TMEM130: variants seen among roughly 807,000 people sequenced by gnomAD.
TMEM130 encodes transmembrane protein 130.
TMEM130 carries 37 observed loss-of-function variants against 42.9 expected under a neutral mutation model. The ratio of observed to expected loss-of-function variants is 0.86; its 90% confidence interval spans 0.66 to 1.13. The LOEUF is 1.13. Ranked by LOEUF, TMEM130 falls within the 50% of genes most tolerant of loss-of-function variation. TMEM130 has a pLI of 0.00. For synonymous variants in TMEM130, 259 were observed against 237.7 expected (o/e 1.09, Z -0.82); for missense variants, 545 against 562.6 (o/e 0.97, Z 0.32).
intron 2 of TMEM130, among the ~76,000 whole-genome samples, chr7:98,860,668 G>C (rs1287557866): frequency 6.6e-6 from 1 of 152,106 alleles, no homozygotes; most frequent in Non-Finnish European, 1.5e-5. Context: ...TGCATGGCTG[G>C]GTGCGGTGGC....
In TMEM130 at chr7:98,856,069, C is replaced by T. The variant is rs201576403; in HGVS notation, c.666G>A (p.Thr222=). Reference sequence around the variant, plus strand: ...CCCCGGTCTTCTGCTTCACAGCCCTCGTGGCATCCGGCTCCACCTCTTCCC... The same window carrying T: ...CCCCGGTCTTCTGCTTCACAGCCCTTGTGGCATCCGGCTCCACCTCTTCCC... ...AEWEEVEPDA[T]RAVKQKTGDF... The change falls in exon 4 of 8, where the codon ACG becomes ACA. Residue 222 remains threonine (T), a synonymous_variant. Coordinates refer to ENST00000339375, the MANE Select transcript of TMEM130 (RefSeq NM_152913.3). 3.1e-5 allele frequency: 50 copies of T among 1,613,822 alleles called. No individual in the cohort carries two copies. The highest frequency in any genetic ancestry group is 1.1e-4 in the East Asian group (5 of 44,872).
At chr7:98,856,820 G>C (rs1178644694) in intron 3 of TMEM130, among the ~76,000 whole-genome samples, 1 of 152,096 alleles carries the variant, frequency 6.6e-6, no homozygotes, top group Non-Finnish European at 1.5e-5. Flanking sequence ...GTTGGACAAA[G>C]CTGCCATCCA....
chr7:98,848,554 G>T (rs1450880348), intron 7 of TMEM130, 29 bp downstream of exon 7: 3 of 1,478,422 alleles, frequency 2.0e-6, no homozygotes, highest in Non-Finnish European at 2.8e-6. Context: ...AGGCCCAGTA[G>T]TCCAGCCCCC....
chr7:98,848,271 A>T (rs782458702), intron 7 of TMEM130, 63 bp from the exon 8 acceptor site: 1 of 1,600,872 alleles, frequency 6.2e-7, no homozygotes. Context: ...CCCACGGGTC[A>T]ATCACCCACC....
In TMEM130 at chr7:98,869,497, AC is replaced by A. The variant is rs1182024927; in HGVS notation, c.85+279del. On this transcript the variant is annotated intron_variant, in intron 1 of 7. Transcript: ENST00000339375. This position sits in a 1 kb window ranked among gnomAD's most constrained non-coding sequence, Gnocchi z 4.7. The stretch of plus-strand genomic sequence containing the variant: ...CCAGGCATCGACGGATGCGCCGGCC[AC>A]CCCCGCGCGGTTTCCAGGGCAGGGC... The A allele has an allele frequency of 1.2e-5, 9 of 754,454 alleles. No homozygotes were observed. The highest frequency in any genetic ancestry group is 9.7e-6 in the Non-Finnish European group (6 of 618,916). 46.7% of individuals were successfully genotyped at this position (754,454 alleles called of 1,614,324 possible).
intron 5 of TMEM130, 57 bp from the exon 6 acceptor site, chr7:98,851,680 G>C: frequency 6.7e-7 from 1 of 1,488,002 alleles, no homozygotes; most frequent in Non-Finnish European, 9.0e-7. Context: ...TGTCAGCACA[G>C]ACCAAGTCCA....
chr7:98,849,082 C>T (rs1047978614), intron 6 of TMEM130, among the ~76,000 whole-genome samples: 2 of 152,158 alleles, frequency 1.3e-5, no homozygotes, highest in South Asian at 2.1e-4. Context: ...TTTGCTCTCT[C>T]GGGTGACACA....
chr7:98,850,765 T>A (rs1445029431), intron 6 of TMEM130, among the ~76,000 whole-genome samples: 1 of 151,992 alleles, frequency 6.6e-6, no homozygotes, highest in Non-Finnish European at 1.5e-5. Context: ...ACACTGTGAG[T>A]TGAGTAGAGT....
Position 98,851,565 on chromosome 7 carries a change from C to A in TMEM130, c.862G>T (p.Glu288Ter). Residue 288 changes from glutamate to a stop codon, truncating the protein, a stop_gained, in exon 6 of 8, where the codon GAG (glutamate) becomes TAG (stop). Transcript: ENST00000339375. LOFTEE classifies it high-confidence loss of function. ...CTGGCCACGGACACAGGGTGGCACTCCCCTTCCTCCAGCGGGAGGCACTCA... is the reference window on the plus strand; with the variant it reads ...CTGGCCACGGACACAGGGTGGCACTACCCTTCCTCCAGCGGGAGGCACTCA... Reference protein sequence around the residue: ...KPECLPLEEGECHPVSVASTA... With the variant: ...KPECLPLEEG 6.2e-7 allele frequency: 1 copy of A among 1,613,934 alleles called. No homozygotes were observed. Among genetic ancestry groups the A allele is most frequent in the South Asian group, 1.1e-5 (1 of 91,056 alleles).
At chr7:98,848,739 C>G (rs1554397778) in intron 6 of TMEM130, 44 bp from the exon 7 acceptor site, 7 of 1,313,596 alleles carry the variant, frequency 5.3e-6, no homozygotes. Context: ...GTAGCTGGTA[C>G]TACAGTGCTG....
intron 1 of TMEM130, among the ~76,000 whole-genome samples, chr7:98,868,634 G>A (rs1265326791): frequency 2.6e-5 from 4 of 152,150 alleles, no homozygotes; most frequent in Non-Finnish European, 4.4e-5. Context: ...AAGTCTCCCC[G>A]ACGGGTGAGG....
Position 98,863,646 on chromosome 7 carries a change from TTCCTTCCCTCCTTCC to T in TMEM130, c.86-261_86-247del, listed in dbSNP as rs1230652270. Reference sequence around the variant, plus strand: ...CCTTCCCTCCCTCCCTCCCTCCTTCTTCCTTCCCTCCTTCCTCCTTCCCTCCTTCCTTCCTCCTTC... The same window carrying T: ...CCTTCCCTCCCTCCCTCCCTCCTTCTTCCTTCCCTCCTTCCTTCCTCCTTC... On this transcript the variant is annotated intron_variant, in intron 1 of 7. Coordinates refer to ENST00000339375, the MANE Select transcript of TMEM130 (RefSeq NM_152913.3). Among the ~76,000 whole-genome samples the T allele has an allele frequency of 9.5e-5, 13 of 136,604 alleles. No homozygotes were observed. In the East Asian group the frequency reaches 1.0e-3, roughly 11 times the overall value. The allele number at this position is 136,604 out of a possible 152,430, so 89.6% of individuals were successfully genotyped here. A position where few individuals can be genotyped will look rare whatever the true frequency, so the allele number is the denominator to read the frequency against.
intron 1 of TMEM130, 125 bp from the exon 2 acceptor site, chr7:98,863,525 AG>A: frequency 1.0e-6 from 1 of 976,306 alleles, no homozygotes; most frequent in Non-Finnish European, 1.5e-6. Flanking sequence ...AGGCAGCTCA[AG>A]TGACTTGCCC....
intron 2 of TMEM130, 111 bp downstream of exon 2, chr7:98,862,983 TC>T: frequency 8.6e-7 from 1 of 1,164,850 alleles, no homozygotes; most frequent in South Asian, 1.5e-5. Context: ...ACGGGCCTAA[TC>T]CCCCAGAACC....
At chr7:98,865,922 G>A (rs782719096) in intron 1 of TMEM130, 13 of 171,726 alleles carry the variant, frequency 7.6e-5, no homozygotes, top group Non-Finnish European at 1.4e-4. Context: ...GTGGGCACAA[G>A]GTCCCCCCAC....
chr7:98,862,020 T>C (rs1794781114), intron 2 of TMEM130, among the ~76,000 whole-genome samples: 1 of 152,216 alleles, frequency 6.6e-6, no homozygotes, highest in African/African-American at 2.4e-5. Context: ...CTGTTAATAG[T>C]GGTATAAATG....
In TMEM130 at chr7:98,856,004, C is replaced by T; in HGVS notation, c.718+13G>A. 6.2e-7 allele frequency: 1 copy of T among 1,610,812 alleles called. No homozygotes were observed. Among genetic ancestry groups the T allele is most frequent in the Non-Finnish European group, 8.5e-7 (1 of 1,179,656 alleles). ...GGAACGCCCAGACTGCATCAGCCTG[C>T]CTGGACACCCACCCTGCAGCTTCAG... On this transcript the variant is annotated intron_variant, in intron 4 of 7. Transcript: ENST00000339375.
In TMEM130 at chr7:98,848,639, C is replaced by T. The variant is rs1489118226; in HGVS notation, c.1063G>A (p.Ala355Thr). 1 of 1,613,926 alleles carries T rather than the reference C, an allele frequency of 6.2e-7. No homozygotes were observed. The change falls in exon 7 of 8, where the codon GCC (alanine) becomes ACC (threonine). Residue 355 changes from alanine (A) to threonine (T), a missense_variant. Transcript: ENST00000339375. The stretch of plus-strand genomic sequence containing the variant: ...CGCAGGGTCATGTACATGATGAAGG[C>T]CAACATCACAGTGATAAGTGTAGCA... ...PCATLITVML[A>T]FIMYMTLRNA...
In TMEM130 at chr7:98,867,983, C is replaced by T. The variant is rs182351603; in HGVS notation, c.85+1794G>A. On this transcript the variant is annotated intron_variant, in intron 1 of 7. Coordinates refer to ENST00000339375, the MANE Select transcript of TMEM130 (RefSeq NM_152913.3). ...GTGGCTCACACCTGTAATCCCAGCA[C>T]TTTGGGAGGCTGAGACAGGTGGATC... Among the ~76,000 whole-genome samples, 18 of 152,288 alleles carry T rather than the reference C, an allele frequency of 1.2e-4. No individual in the cohort carries two copies. In the East Asian group the frequency reaches 3.1e-3, roughly 26 times the overall value.
Sources: allele counts gnomAD v4.1 joint callset (sites outside exome capture counted in the v4.1 genomes callset), GRCh38; gene constraint gnomAD v4.1.1; non-coding constraint Gnocchi (gnomAD v3.1); transcripts MANE v1.5; gene names NCBI Gene and HGNC (gene_info 2026-07-23, HGNC 2026-07-21).